Variants in TTLL3 observed in about 807,000 individuals in gnomAD.
TTLL3 encodes tubulin monoglycylase TTLL3.
In TTLL3, 63 loss-of-function variants were observed where a neutral mutation model predicts 75.2. That is an observed-to-expected ratio of 0.84 (90% CI 0.68 to 1.03). The LOEUF (loss-of-function observed/expected upper bound fraction) is 1.03, where lower values mean the gene tolerates loss of function less well. TTLL3 is among the 50% of genes least tolerant of loss of function. TTLL3 has a pLI of 0.00. For missense variants in TTLL3, 997 were observed against 1,069.9 expected, an observed-to-expected ratio of 0.93 and a Z score of 0.95; for synonymous variants, 393 against 418.5, an observed-to-expected ratio of 0.94 and a Z score of 0.74.
chr3:9,820,874 G>T, intron 8 of TTLL3, 133 bp downstream of exon 8: 2 of 1,414,744 alleles, frequency 1.4e-6, no homozygotes, highest in Non-Finnish European at 9.3e-7. Context: ...AGGAACCCTC[G>T]AGGACTCCCA....
chr3:9,832,759 A>G (rs570746203), intron 11 of TTLL3, among the ~76,000 whole-genome samples: 25 of 152,348 alleles, frequency 1.6e-4, no homozygotes, highest in Non-Finnish European at 2.9e-4. Flanking sequence ...CTCTGTGCAG[A>G]GAATCTGATT....
At position 9,812,967 on chromosome 3, in the gene TTLL3, G is replaced by A. The variant is rs1404564979; in HGVS notation, c.73G>A (p.Gly25Ser). The change falls in exon 3 of 14, where the codon GGC becomes AGC. Residue 25 changes from glycine to serine, a missense_variant. By Grantham distance (56) the Gly-to-Ser change is moderately conservative (BLOSUM62 0). Transcript: ENST00000685419. Reference protein sequence around the residue: ...VKQKKIFTIQGCYPVIRCLLR... With the variant: ...VKQKKIFTIQSCYPVIRCLLR... ...GCAGAAGAAGATCTTTACAATCCAAGGCTGCTACCCGGTGATCCGGTGTCT... is the reference window on the plus strand; with the variant it reads ...GCAGAAGAAGATCTTTACAATCCAAAGCTGCTACCCGGTGATCCGGTGTCT... 1.3e-6 allele frequency: 2 copies of A among 1,521,266 alleles called. No individual in the cohort carries two copies. The highest frequency in any genetic ancestry group is 1.8e-6 in the Non-Finnish European group (2 of 1,133,728). 94.2% of individuals were successfully genotyped at this position (1,521,266 alleles called of 1,614,324 possible). A position where few individuals can be genotyped will look rare whatever the true frequency, so the allele number is the denominator to read the frequency against.
chr3:9,829,541 G>C (rs2081338989), intron 11 of TTLL3, 146 bp downstream of exon 11: 3 of 1,036,842 alleles, frequency 2.9e-6, no homozygotes, highest in Non-Finnish European at 4.0e-6. Context: ...TCACTTCCTT[G>C]AGCCTCAGTT....
intron 7 of TTLL3, chr3:9,819,472 A>G (rs2080214417): frequency 1.0e-6 from 1 of 992,594 alleles, no homozygotes; most frequent in South Asian, 4.5e-5. Flanking sequence ...GCAGACTAAG[A>G]AGACATGGTC....
At chr3:9,830,944 A>G (rs1427968641) in intron 11 of TTLL3, among the ~76,000 whole-genome samples, 4 of 152,168 alleles carry the variant, frequency 2.6e-5, no homozygotes, top group Admixed American at 1.3e-4. Flanking sequence ...CTGGGACTAC[A>G]GGTGCCTGCC....
Position 9,820,901 on chromosome 3 carries a change from G to A in TTLL3, c.854+160G>A. The A allele has an allele frequency of 4.7e-6, 6 of 1,270,078 alleles. 1 individual carries two copies. Among genetic ancestry groups the A allele is most frequent in the Non-Finnish European group, 6.3e-6 (6 of 951,846 alleles). 78.7% of individuals were successfully genotyped at this position (1,270,078 alleles called of 1,614,324 possible). On this transcript the variant is annotated intron_variant, in intron 8 of 13. Coordinates refer to ENST00000685419, the MANE Select transcript of TTLL3 (RefSeq NM_001387446.1). The stretch of plus-strand genomic sequence containing the variant: ...GGACTCCCACTGCCTCCGTGATAGG[G>A]TCTGGGCCACTTTTCTTGGTTCTTG...
Position 9,835,090 on chromosome 3 carries a change from C to G in TTLL3, c.2053-4C>G, listed in dbSNP as rs375034198. 9.4e-6 allele frequency: 15 copies of G among 1,601,900 alleles called. No individual in the cohort carries two copies. The highest frequency in any genetic ancestry group is 2.2e-5 in the East Asian group (1 of 44,728). On this transcript the variant is annotated splice_polypyrimidine_tract_variant and splice_region_variant and intron_variant, in intron 13 of 13. Coordinates refer to ENST00000685419, the MANE Select transcript of TTLL3 (RefSeq NM_001387446.1). ...TCCCTCTTCTCCCCTCCTTTCACAC[C>G]GAGGCTCCTGCTCTCCTGTGCCTCC...
In TTLL3 at chr3:9,817,640, C is replaced by CGTA; in HGVS notation, c.445-3_445-1dup. 1 of 1,613,948 alleles carries CGTA rather than the reference C, an allele frequency of 6.2e-7. No homozygotes were observed. The highest frequency in any genetic ancestry group is 8.5e-7 in the Non-Finnish European group (1 of 1,180,014). ...GCCCTGCCCTCTCAGTGGCTAACTCCGTAGGTGGGTCTATGTCTCAATCTC... is the reference window on the plus strand; with the variant it reads ...GCCCTGCCCTCTCAGTGGCTAACTCCGTAGTAGGTGGGTCTATGTCTCAATCTC... On this transcript the variant is annotated splice_region_variant and splice_polypyrimidine_tract_variant and intron_variant, in intron 5 of 13. Coordinates refer to ENST00000685419, the MANE Select transcript of TTLL3 (RefSeq NM_001387446.1).
Position 9,835,636 on chromosome 3 carries a change from T to C in TTLL3, c.*147T>C. ...ACTTTACAGATGAAGAAACTGAGTC[T>C]GAAAGAGGAGGCATGGCTTACCCAA... On this transcript the variant is annotated 3_prime_UTR_variant, in exon 14 of 14. Transcript: ENST00000685419. 1 of 798,154 alleles carries C rather than the reference T, an allele frequency of 1.3e-6. No individual in the cohort carries two copies. Among genetic ancestry groups the C allele is most frequent in the Non-Finnish European group, 1.9e-6 (1 of 521,750 alleles). The allele number at this position is 798,154 out of a possible 1,614,324, so 49.4% of individuals were successfully genotyped here.
intron 8 of TTLL3, 47 bp downstream of exon 8, chr3:9,820,788 G>T (rs1461009246): frequency 6.2e-7 from 1 of 1,604,186 alleles, no homozygotes; most frequent in Non-Finnish European, 8.5e-7. Context: ...AGGTGCTTAG[G>T]GATAGACCCT....
In TTLL3 at chr3:9,835,684, G is replaced by A. The variant is rs1032632674; in HGVS notation, c.*195G>A. On this transcript the variant is annotated 3_prime_UTR_variant, in exon 14 of 14. Transcript: ENST00000685419. ...CAAGATCACGTGGCAGTGAGTCGAC[G>A]CAGGGACATATTGCCAGAACTGCCG... 6 of 567,348 alleles carry A rather than the reference G, an allele frequency of 1.1e-5. No individual in the cohort carries two copies. The highest frequency in any genetic ancestry group is 4.7e-4 in the Middle Eastern group (1 of 2,126). The allele number at this position is 567,348 out of a possible 1,614,324, so 35.1% of individuals were successfully genotyped here.
intron 11 of TTLL3, among the ~76,000 whole-genome samples, chr3:9,832,470 C>T (rs2081645062): frequency 6.6e-6 from 1 of 152,170 alleles, no homozygotes; most frequent in Admixed American, 6.5e-5. Context: ...ACAGAAGATA[C>T]CTCCAACTGG....
Position 9,835,165 on chromosome 3 carries a change from A to G in TTLL3, c.2124A>G (p.Glu708=). 1 of 1,614,196 alleles carries G rather than the reference A, an allele frequency of 6.2e-7. No individual in the cohort carries two copies. ...VPCCLCPLKS[E]QFLAPVGRSR... is the part of the protein sequence containing the mutation. ...GTTGCCTCTGCCCTTTGAAGTCGGAACAATTCCTAGCACCTGTCGGAAGGT... is the reference window on the plus strand; with the variant it reads ...GTTGCCTCTGCCCTTTGAAGTCGGAGCAATTCCTAGCACCTGTCGGAAGGT... Residue 708 remains glutamate (E), a synonymous_variant, in exon 14 of 14, where the codon GAA becomes GAG. Transcript: ENST00000685419.
At position 9,829,015 on chromosome 3, in the gene TTLL3, C is replaced by G; in HGVS notation, c.1303C>G (p.Arg435Gly). Reference protein sequence around the residue: ...IQKHLENSCHRHPLLPPDNMW... With the variant: ...IQKHLENSCHGHPLLPPDNMW... Reference sequence around the variant, plus strand: ...GAAGCACCTGGAGAACTCATGCCATCGGCATCCACTGCTTCCGCCAGACAA... The same window carrying G: ...GAAGCACCTGGAGAACTCATGCCATGGGCATCCACTGCTTCCGCCAGACAA... Residue 435 changes from arginine to glycine, a missense_variant, in exon 11 of 14, where the codon CGG becomes GGG. Coordinates refer to ENST00000685419, the MANE Select transcript of TTLL3 (RefSeq NM_001387446.1). The G allele has an allele frequency of 6.2e-7, 1 of 1,614,236 alleles. No homozygotes were observed. The highest frequency in any genetic ancestry group is 1.3e-5 in the African/African-American group (1 of 75,054).
In TTLL3 at chr3:9,827,210, C is replaced by G; in HGVS notation, c.1217C>G (p.Thr406Arg). 6.2e-7 allele frequency: 1 copy of G among 1,614,214 alleles called. No individual in the cohort carries two copies. The highest frequency in any genetic ancestry group is 1.1e-5 in the South Asian group (1 of 91,088). The change falls in exon 10 of 14, where the codon ACG becomes AGG. Residue 406 changes from threonine (T) to arginine (R), a missense_variant. Transcript: ENST00000685419. ...FYRDSYIRFS[T>R]QPFSLKNLDN... ...CGCGACAGCTATATCCGCTTTTCCA[C>G]GCAGCCCTTCTCCCTGAAGAACCTG...
chr3:9,810,177 C>G (rs1297605175), upstream of TTLL3: 2 of 1,470,580 alleles, frequency 1.4e-6, no homozygotes, highest in Non-Finnish European at 1.8e-6. The surrounding 1 kb of genome is among the most constrained non-coding windows in gnomAD (Gnocchi z 4.4). Flanking sequence ...GCTCCGAGTT[C>G]CGTCCACCCA....
rs1350605514 is a variant in TTLL3 at position 9,833,209 on chromosome 3, G to A, written c.1789G>A (p.Ala597Thr). ...TCATCGGCGGATGGGGGTCCGCCCA[G>A]CAGTCCCTCTGCTGACCCAGCGAGG... is the stretch of plus-strand genomic sequence containing the variant. ...MCHRRMGVRP[A>T]VPLLTQRGSG... The change falls in exon 12 of 14, where the codon GCA (alanine) becomes ACA (threonine). Residue 597 changes from alanine (A) to threonine (T), a missense_variant. Physicochemically the swap from Ala to Thr is moderately conservative, Grantham distance 58 (BLOSUM62 0). Coordinates refer to ENST00000685419, the MANE Select transcript of TTLL3 (RefSeq NM_001387446.1). 1.9e-6 allele frequency: 3 copies of A among 1,614,106 alleles called. No individual in the cohort carries two copies. The highest frequency in any genetic ancestry group is 2.5e-6 in the Non-Finnish European group (3 of 1,180,000).
In TTLL3 at chr3:9,829,042, A is replaced by G. The variant is rs368529672; in HGVS notation, c.1330A>G (p.Met444Val). The G allele has an allele frequency of 6.2e-6, 10 of 1,614,208 alleles. No homozygotes were observed. The highest frequency in any genetic ancestry group is 8.5e-6 in the Non-Finnish European group (10 of 1,180,036). ...GCATCCACTGCTTCCGCCAGACAACATGTGGTCTAGCCAGAGGTTCCAGGC... is the reference window on the plus strand; with the variant it reads ...GCATCCACTGCTTCCGCCAGACAACGTGTGGTCTAGCCAGAGGTTCCAGGC... ...HRHPLLPPDN[M>V]WSSQRFQAHL... is the part of the protein sequence containing the mutation. Residue 444 changes from methionine to valine, a missense_variant, in exon 11 of 14, where the codon ATG becomes GTG. Transcript: ENST00000685419.
chr3:9,827,987 T>A (rs1158061266), intron 10 of TTLL3: 1 of 151,752 alleles, frequency 6.6e-6, no homozygotes, highest in East Asian at 1.9e-4. Context: ...ACTAAAAATA[T>A]AAAAATTAGC....
Sources: gnomAD v4.1 joint callset for allele counts (sites outside exome capture counted in the v4.1 genomes callset) on GRCh38, gnomAD v4.1.1 for gene constraint, Gnocchi (gnomAD v3.1) non-coding constraint, MANE v1.5 for transcripts, NCBI Gene and HGNC (gene_info 2026-07-23, HGNC 2026-07-21) for gene names.